Variants in MYH11 observed in about 807,000 individuals in gnomAD.
MYH11 encodes myosin heavy chain 11.
In MYH11, 80 loss-of-function variants were observed where a neutral mutation model predicts 246.6. The ratio of observed to expected loss-of-function variants is 0.32; its 90% CI spans 0.27 to 0.39. The LOEUF (loss-of-function observed/expected upper bound fraction) is 0.39. Among genes scored for constraint, MYH11 ranks in the 10% least tolerant of loss-of-function variants. The probability of loss-of-function intolerance (pLI) is 1.00; values close to 1 mark genes in which losing one functional copy is unlikely to be tolerated. For missense variants in MYH11, 2,158 were observed against 2,546.8 expected (o/e 0.85, Z 3.29); for synonymous variants, 1,071 against 1,015.5 (o/e 1.05, Z -1.04).
intron 19 of MYH11, among the ~76,000 whole-genome samples, chr16:15,745,582 CTTT>C (rs71981525): frequency 0.049 from 4,650 of 94,368 alleles, 262 homozygotes; most frequent in African/African-American, 0.18. Flanking sequence ...TTCTTTCTTT[CTTT>C]TTTTTTTTTT....
chr16:15,712,882 G>GTTTTGTTTTTTTTTTTTTTT (rs2039887695), intron 40 of MYH11: 2 of 90,636 alleles, frequency 2.2e-5, no homozygotes, highest in African/African-American at 4.5e-5. Flanking sequence ...TTCACATACA[G>GTTTTGTTTTTTTTTTTTTTT]TTTTTTTTTT....
At chr16:15,846,664 C>A (rs568615356) in intron 1 of MYH11, among the ~76,000 whole-genome samples, 1 of 152,188 alleles carries the variant, frequency 6.6e-6, no homozygotes, top group African/African-American at 2.4e-5. Flanking sequence ...GCCTGGCCAA[C>A]ACAGCAAGAC....
In MYH11 at chr16:15,786,074, G is replaced by A. The variant is rs539563229; in HGVS notation, c.633+556C>T. 6.7e-4 allele frequency: 176 copies of A among 261,650 alleles called. 3 individuals are homozygous for A. Among genetic ancestry groups the A allele is most frequent in the Middle Eastern group, 1.4e-3 (1 of 720 alleles). 16.2% of individuals were successfully genotyped at this position (261,650 alleles called of 1,614,324 possible). ...CTCCATCCCAGGGACAGGGGGACAC[G>A]TGGAGGAATCCGGGAACCCAAAAGG... is the stretch of plus-strand genomic sequence containing the variant. On this transcript the variant is annotated intron_variant, in intron 5 of 40. Coordinates refer to ENST00000300036, the MANE Select transcript of MYH11 (RefSeq NM_002474.3).
intron 4 of MYH11, among the ~76,000 whole-genome samples, chr16:15,789,800 G>C (rs1465617405): frequency 1.3e-5 from 2 of 152,180 alleles, no homozygotes; most frequent in Non-Finnish European, 2.9e-5. Context: ...GAAATTTTTG[G>C]ATGTAGGAAA....
intron 31 of MYH11, among the ~76,000 whole-genome samples, chr16:15,722,897 C>G (rs1250879709): frequency 2.6e-5 from 4 of 152,178 alleles, no homozygotes; most frequent in Non-Finnish European, 5.9e-5. Context: ...GCGTGCGCCA[C>G]CACGCCCGGC....
intron 40 of MYH11, among the ~76,000 whole-genome samples, chr16:15,704,800 C>A (rs2039362087): frequency 6.6e-6 from 1 of 151,938 alleles, no homozygotes; most frequent in Admixed American, 6.6e-5. Context: ...AAACAGGTGC[C>A]CAGTGAATAT....
intron 4 of MYH11, 90 bp from the exon 5 acceptor site, chr16:15,786,822 C>T: frequency 8.7e-7 from 1 of 1,154,354 alleles, no homozygotes; most frequent in African/African-American, 1.5e-5. Context: ...ATGATCATCA[C>T]CACCATTTCC....
chr16:15,774,364 C>T (rs1171635944), intron 8 of MYH11, among the ~76,000 whole-genome samples: 1 of 152,196 alleles, frequency 6.6e-6, no homozygotes, highest in Non-Finnish European at 1.5e-5. Flanking sequence ...AGAGGCAAAG[C>T]ACAAAACTGG....
intron 1 of MYH11, among the ~76,000 whole-genome samples, chr16:15,850,103 G>A (rs1286362492): frequency 6.6e-6 from 1 of 152,208 alleles, no homozygotes; most frequent in Non-Finnish European, 1.5e-5. Context: ...AAGTAAATTA[G>A]GCCGGGCATG....
Position 15,726,453 on chromosome 16 carries a change from C to T in MYH11, c.3858+395G>A, listed in dbSNP as rs372397751. 2.8e-5 allele frequency: 9 copies of T among 326,892 alleles called. 1 individual carries two copies. In the East Asian group the frequency reaches 4.5e-4, roughly 16 times the overall value. The allele number at this position is 326,892 out of a possible 1,614,324, so 20.2% of individuals were successfully genotyped here. Reference sequence around the variant, plus strand: ...TGGTGCGGTCTCCGCACACTGCAACCTCTGCCTCCTGGGTTCAAGCTATTC... The same window carrying T: ...TGGTGCGGTCTCCGCACACTGCAACTTCTGCCTCCTGGGTTCAAGCTATTC... On this transcript the variant is annotated intron_variant, in intron 28 of 40. Coordinates refer to ENST00000300036, the MANE Select transcript of MYH11 (RefSeq NM_002474.3).
chr16:15,780,789 T>A (rs2042335395), intron 6 of MYH11, among the ~76,000 whole-genome samples: 1 of 152,034 alleles, frequency 6.6e-6, no homozygotes, highest in Non-Finnish European at 1.5e-5. Context: ...CTGGTCTAGA[T>A]TTTTATGCTT....
At chr16:15,756,875 T>G (rs1056410456) in intron 13 of MYH11, among the ~76,000 whole-genome samples, 1 of 145,992 alleles carries the variant, frequency 6.8e-6, no homozygotes, top group Non-Finnish European at 1.5e-5. Context: ...CTCGACTCAC[T>G]GCAAGCTCCG....
intron 37 of MYH11, chr16:15,718,108 C>T: frequency 2.6e-6 from 2 of 762,524 alleles, no homozygotes; most frequent in Non-Finnish European, 4.2e-6. Flanking sequence ...AAATGAGACA[C>T]TGCAGCGTGG....
Position 15,745,119 on chromosome 16 carries a change from G to T in MYH11, c.2520+10C>A. Reference sequence around the variant, plus strand: ...GGCCCCTGGGAAGGGGGCTGGGGCAGAGCACTCACTTTGGTGAAAAGCCTC... The same window carrying T: ...GGCCCCTGGGAAGGGGGCTGGGGCATAGCACTCACTTTGGTGAAAAGCCTC... On this transcript the variant is annotated intron_variant, in intron 20 of 40. Transcript: ENST00000300036. The T allele has an allele frequency of 1.2e-6, 2 of 1,611,280 alleles. No homozygotes were observed. The highest frequency in any genetic ancestry group is 4.5e-5 in the East Asian group (2 of 44,864).
chr16:15,816,030 G>C (rs2043254531), intron 3 of MYH11, among the ~76,000 whole-genome samples: 1 of 152,164 alleles, frequency 6.6e-6, no homozygotes, highest in South Asian at 2.1e-4. Flanking sequence ...TTAAGTGTTA[G>C]AGAAGCATCA....
intron 25 of MYH11, among the ~76,000 whole-genome samples, chr16:15,737,051 C>T (rs2041137799): frequency 6.6e-6 from 1 of 151,868 alleles, no homozygotes; most frequent in Non-Finnish European, 1.5e-5. Context: ...AAAGAGGGCC[C>T]TTAGAGGGAG....
rs774175693 is a variant in MYH11 at position 15,753,476 on chromosome 16, C to T, written c.1782G>A (p.Lys594=). The change falls in exon 15 of 41, where the codon AAG becomes AAA. Residue 594 remains lysine (K), a synonymous_variant. Transcript: ENST00000300036. ...CGTTGTCATTCAGCGGGTCCATATT[C>T]TTGGTCAGCCAGGCACTCGCATTAT... The part of the protein sequence containing the change: ...VDYNASAWLT[K]NMDPLNDNVT... The T allele has an allele frequency of 3.1e-6, 5 of 1,614,180 alleles. No individual in the cohort carries two copies. Among genetic ancestry groups the T allele is most frequent in the Middle Eastern group, 1.7e-4 (1 of 6,052 alleles).
chr16:15,852,921 C>T (rs9922682), intron 1 of MYH11, among the ~76,000 whole-genome samples: 28,793 of 152,038 alleles, frequency 0.19, 3,354 homozygotes, highest in East Asian at 0.43. Context: ...ATGGCATTAG[C>T]GATGTTTGAC....
chr16:15,717,196 G>A lies in MYH11; in HGVS notation c.5448C>T (p.Ile1816=), dbSNP rs201308235. ...GTGCAATCTTGGCCTCCAGCGCCGC[G>A]ATGGTGGACTTGAACTTGGACTTGA... ...GAVKSKFKST[I]AALEAKIAQL... The change falls in exon 38 of 41, where the codon ATC becomes ATT. Residue 1816 remains isoleucine (I), a synonymous_variant. Transcript: ENST00000300036. The A allele has an allele frequency of 1.7e-5, 27 of 1,614,196 alleles. No individual in the cohort carries two copies. Among genetic ancestry groups the A allele is most frequent in the African/African-American group, 1.3e-4 (10 of 75,050 alleles).
Sources: gnomAD v4.1 joint callset for allele counts (sites outside exome capture counted in the v4.1 genomes callset) on GRCh38, gnomAD v4.1.1 for gene constraint, MANE v1.5 for transcripts, NCBI Gene and HGNC (gene_info 2026-07-23, HGNC 2026-07-21) for gene names.